The following LIX1 variants were observed in gnomAD, a reference collection of about 807,000 sequenced individuals.
The protein encoded by LIX1 is limb and CNS expressed 1, also known as protein limb expression 1 homolog.
LIX1 carries 24 observed loss-of-function variants against 33.4 expected under a neutral mutation model. The observed-to-expected ratio is 0.72, with a 90% CI of 0.52 to 1.01. The LOEUF (loss-of-function observed/expected upper bound fraction) is 1.01. Ranked by LOEUF, LIX1 falls within the 50% of genes least tolerant of loss-of-function variation. The pLI is 0.00. For missense variants in LIX1, 311 were observed against 339.2 expected (o/e 0.92, Z 0.65); for synonymous variants, 124 against 124.0 (o/e 1.00, Z 0.00).
At chr5:97,141,212 G>A (rs983063303) in intron 1 of LIX1, among the ~76,000 whole-genome samples, 1 of 152,040 alleles carries the variant, frequency 6.6e-6, no homozygotes, top group Admixed American at 6.6e-5. Context: ...TGGGCAGCCC[G>A]AGAGCCCTTT....
rs1469296947 is a variant in LIX1 at position 97,094,795 on chromosome 5, G to A, written c.802C>T (p.Pro268Ser). 6.2e-7 allele frequency: 1 copy of A among 1,614,178 alleles called. No homozygotes were observed. Among genetic ancestry groups the A allele is most frequent in the South Asian group, 1.1e-5 (1 of 91,080 alleles). Residue 268 changes from proline to serine, a missense_variant, in exon 6 of 6, where the codon CCC becomes TCC. Physicochemically the swap from Pro to Ser is moderately conservative, Grantham distance 74. Coordinates refer to ENST00000274382, the MANE Select transcript of LIX1 (RefSeq NM_153234.5). Reference protein sequence around the residue: ...QICSDPDTSSPSDDQLSLTAL... With the variant: ...QICSDPDTSSSSDDQLSLTAL... ...GTAAGGCTCAGCTGATCATCACTGG[G>A]TGAGGAAGTGTCAGGGTCACTGCAG...
At chr5:97,124,687 C>A in intron 1 of LIX1, 58 bp from the exon 2 acceptor site, 1 of 1,479,754 alleles carries the variant, frequency 6.8e-7, no homozygotes, top group South Asian at 1.3e-5. Context: ...TGGTGCAAAA[C>A]CAAAATTTTA....
chr5:97,115,756 TA>T (rs35264000), intron 2 of LIX1, among the ~76,000 whole-genome samples: 2,081 of 139,822 alleles, frequency 0.015, 28 homozygotes, highest in African/African-American at 0.041. Context: ...GAAGCAGGAT[TA>T]AAAAAAAAAA....
In LIX1 at chr5:97,111,802, C is replaced by T. The variant is rs143490901; in HGVS notation, c.247-4302G>A. Among the ~76,000 whole-genome samples, 367 of 152,210 alleles carry T rather than the reference C, an allele frequency of 2.4e-3. 1 individual carries two copies. Among genetic ancestry groups the T allele is most frequent in the Middle Eastern group, 6.8e-3 (2 of 294 alleles). ...CAAAAGCACCACATACGTTTACAAC[C>T]AAATGGCACTGCTCGGGAGATCAAA... On this transcript the variant is annotated intron_variant, in intron 2 of 5. Transcript: ENST00000274382.
chr5:97,126,434 A>G (rs1326515526), intron 1 of LIX1, among the ~76,000 whole-genome samples: 2 of 152,154 alleles, frequency 1.3e-5, no homozygotes, highest in African/African-American at 4.8e-5. Flanking sequence ...GCAACTCCTA[A>G]GGAACTGGTT....
chr5:97,108,426 A>T (rs1747187383), intron 2 of LIX1, among the ~76,000 whole-genome samples: 1 of 152,100 alleles, frequency 6.6e-6, no homozygotes, highest in Admixed American at 6.6e-5. Flanking sequence ...GCTCATATGG[A>T]TCTGGTCGAT....
chr5:97,130,015 A>G (rs563116451), intron 1 of LIX1, among the ~76,000 whole-genome samples: 5 of 152,376 alleles, frequency 3.3e-5, no homozygotes, highest in African/African-American at 1.2e-4. Context: ...GAATTGTCAT[A>G]CGGAATGAGC....
intron 2 of LIX1, among the ~76,000 whole-genome samples, chr5:97,114,879 G>A (rs1309843418): frequency 6.6e-6 from 1 of 152,190 alleles, no homozygotes; most frequent in Non-Finnish European, 1.5e-5. Context: ...CTCTGCAGAA[G>A]CTTCATTGTC....
At chr5:97,096,752 G>T in intron 5 of LIX1, 58 bp downstream of exon 5, 1 of 1,198,504 alleles carries the variant, frequency 8.3e-7, no homozygotes, top group Non-Finnish European at 1.2e-6. Flanking sequence ...CTGGGAAGAT[G>T]ATAAGCCACC....
rs1196799966 is a variant in LIX1 at position 97,094,694 on chromosome 5, C to T, written c.*54G>A. The stretch of plus-strand genomic sequence containing the variant: ...CTCTGAGGACCTCTGCACTGAGATT[C>T]CTAATGTTAATCTGGCCTCTGCCAT... On this transcript the variant is annotated 3_prime_UTR_variant, in exon 6 of 6. Coordinates refer to ENST00000274382, the MANE Select transcript of LIX1 (RefSeq NM_153234.5). The T allele has an allele frequency of 5.1e-6, 8 of 1,557,800 alleles. No homozygotes were observed. The highest frequency in any genetic ancestry group is 4.2e-4 in the Middle Eastern group (2 of 4,714).
rs1746236728 is a variant in LIX1 at position 97,094,466 on chromosome 5, G to T, written c.*282C>A. 2 of 417,120 alleles carry T rather than the reference G, an allele frequency of 4.8e-6. No individual in the cohort carries two copies. Among genetic ancestry groups the T allele is most frequent in the Non-Finnish European group, 4.3e-6 (1 of 232,838 alleles). 25.8% of individuals were successfully genotyped at this position (417,120 alleles called of 1,614,324 possible). On this transcript the variant is annotated 3_prime_UTR_variant, in exon 6 of 6. Transcript: ENST00000274382. Reference sequence around the variant, plus strand: ...AAGGCACGTGACAGTCAGGCTTTAGGTTGGAGCCAGGCCTGGAAAATGTTT... The same window carrying T: ...AAGGCACGTGACAGTCAGGCTTTAGTTTGGAGCCAGGCCTGGAAAATGTTT...
chr5:97,118,136 C>T (rs1039024812), intron 2 of LIX1, among the ~76,000 whole-genome samples: 2 of 152,112 alleles, frequency 1.3e-5, no homozygotes, highest in East Asian at 1.9e-4. Context: ...CCAAATAGAT[C>T]GAGCTATCAC....
At chr5:97,110,427 T>C (rs923288903) in intron 2 of LIX1, among the ~76,000 whole-genome samples, 1 of 152,166 alleles carries the variant, frequency 6.6e-6, no homozygotes, top group African/African-American at 2.4e-5. Flanking sequence ...GAGTGATTTA[T>C]TTATTTTATT....
At chr5:97,113,087 G>T (rs945826635) in intron 2 of LIX1, among the ~76,000 whole-genome samples, 2 of 152,218 alleles carry the variant, frequency 1.3e-5, no homozygotes, top group Admixed American at 1.3e-4. Flanking sequence ...AAGAGGAAAA[G>T]TCACTGCCTT....
chr5:97,093,848 A>C lies in LIX1; in HGVS notation c.*900T>G, dbSNP rs895783313. 1.3e-5 allele frequency: 2 copies of C among 152,470 alleles called. No individual in the cohort carries two copies. The highest frequency in any genetic ancestry group is 2.9e-5 in the Non-Finnish European group (2 of 68,036). The allele number at this position is 152,470 out of a possible 1,614,324, so 9.4% of individuals were successfully genotyped here. A position where few individuals can be genotyped will look rare whatever the true frequency, so the allele number is the denominator to read the frequency against. On this transcript the variant is annotated 3_prime_UTR_variant, in exon 6 of 6. Transcript: ENST00000274382. ...CTCTCAAATGCTGGTGAAACTAATC[A>C]AATGCAAGCATTCTTTGTTACATGC...
chr5:97,126,643 T>C (rs955129234), intron 1 of LIX1, among the ~76,000 whole-genome samples: 5 of 147,100 alleles, frequency 3.4e-5, no homozygotes, highest in African/African-American at 1.3e-4. Context: ...CTTTCTTTTT[T>C]TTTTTTTTTT....
At chr5:97,136,877 A>G (rs1272380453) in intron 1 of LIX1, among the ~76,000 whole-genome samples, 1 of 152,172 alleles carries the variant, frequency 6.6e-6, no homozygotes, top group African/African-American at 2.4e-5. Flanking sequence ...CTTTTAAAAT[A>G]GAAATGTTTT....
chr5:97,130,502 C>G (rs961975158), intron 1 of LIX1, among the ~76,000 whole-genome samples: 3 of 152,186 alleles, frequency 2.0e-5, no homozygotes, highest in Admixed American at 2.0e-4. Flanking sequence ...AGATGGAGCT[C>G]TGGAGAAAGC....
intron 4 of LIX1, among the ~76,000 whole-genome samples, chr5:97,100,734 G>C (rs1746649231): frequency 6.6e-6 from 1 of 151,850 alleles, no homozygotes; most frequent in Non-Finnish European, 1.5e-5. Context: ...TTTGCTGCCT[G>C]GTGTTCGCTG....
Sources: allele counts gnomAD v4.1 joint callset (sites outside exome capture counted in the v4.1 genomes callset), GRCh38; gene constraint gnomAD v4.1.1; transcripts MANE v1.5; gene names NCBI Gene and HGNC (gene_info 2026-07-23, HGNC 2026-07-21).